The following TRMT9B variants were observed in gnomAD, a reference collection of about 807,000 sequenced individuals.
TRMT9B encodes probable tRNA methyltransferase 9B.
A neutral mutation model predicts 11.5 loss-of-function variants in TRMT9B; 16 were observed. That is an observed-to-expected ratio of 1.39 (90% CI 0.94 to 2.11). TRMT9B has a LOEUF of 2.11. Among genes scored for constraint, TRMT9B ranks in the 30% most tolerant of loss-of-function variants. TRMT9B has a pLI of 0.00. For synonymous variants in TRMT9B, 274 were observed against 192.4 expected, an observed-to-expected ratio of 1.42 and a Z score of -3.51; for missense variants, 941 against 553.8, an observed-to-expected ratio of 1.70 and a Z score of -7.02.
chr8:12,984,949 C>T (rs71522319), intron 1 of TRMT9B, among the ~76,000 whole-genome samples: 1 of 125,430 alleles, frequency 8.0e-6, no homozygotes, highest in Admixed American at 7.4e-5. Flanking sequence ...CCACCTCCCT[C>T]AACATACACA....
chr8:12,993,845 A>C (rs139568330), intron 2 of TRMT9B, among the ~76,000 whole-genome samples: 18 of 152,344 alleles, frequency 1.2e-4, no homozygotes, highest in African/African-American at 4.1e-4. Flanking sequence ...TTGGCTATAC[A>C]TGTCAAAATC....
intron 4 of TRMT9B, among the ~76,000 whole-genome samples, chr8:13,020,203 T>A (rs1344504519): frequency 2.0e-5 from 3 of 152,226 alleles, no homozygotes; most frequent in African/African-American, 7.2e-5. Context: ...TTGAGATTAA[T>A]TTCCTCACTG....
rs530255013 is a variant in TRMT9B, at chr8:13,021,356, T to C, written c.677T>C (p.Phe226Ser). ...GYEPAMARTC[F>S]ANISKEGEEE... ...GAACCTGCTATGGCAAGAACCTGTT[T>C]TGCAAATATTTCTAAGGAAGGCGAG... Residue 226 changes from phenylalanine (F) to serine (S), a missense_variant, in exon 5 of 5, where the codon TTT becomes TCT. Coordinates refer to ENST00000524591, the MANE Select transcript of TRMT9B (RefSeq NM_020844.3). 6.2e-7 allele frequency: 1 copy of C among 1,614,078 alleles called. No individual in the cohort carries two copies. The highest frequency in any genetic ancestry group is 8.5e-7 in the Non-Finnish European group (1 of 1,179,902).
chr8:12,969,198 C>T (rs948730578), intron 1 of TRMT9B, among the ~76,000 whole-genome samples: 1 of 151,882 alleles, frequency 6.6e-6, no homozygotes, highest in East Asian at 1.9e-4. Context: ...GAGAGTGAAA[C>T]TGTGTCTAAA....
chr8:12,990,000 T>C (rs1174209796), intron 1 of TRMT9B, among the ~76,000 whole-genome samples: 1 of 152,136 alleles, frequency 6.6e-6, no homozygotes, highest in Non-Finnish European at 1.5e-5. Context: ...GGGCCAGGAC[T>C]AGGGTTGGGC....
intron 1 of TRMT9B, among the ~76,000 whole-genome samples, chr8:12,986,224 G>T (rs553279287): frequency 6.6e-6 from 1 of 152,096 alleles, no homozygotes; most frequent in African/African-American, 2.4e-5. Context: ...TTGTCCTTCA[G>T]TTACCACAGA....
chr8:13,017,223 G>T (rs1812890823), intron 4 of TRMT9B, among the ~76,000 whole-genome samples: 1 of 152,092 alleles, frequency 6.6e-6, no homozygotes, highest in Non-Finnish European at 1.5e-5. Flanking sequence ...CTGAAGTTTA[G>T]AGAGGCGAGG....
At chr8:12,967,172 G>C (rs1802934854) in intron 1 of TRMT9B, among the ~76,000 whole-genome samples, 1 of 152,124 alleles carries the variant, frequency 6.6e-6, no homozygotes, top group Non-Finnish European at 1.5e-5. Flanking sequence ...TCCTGAATTT[G>C]TTCTCTTTCT....
In TRMT9B at chr8:12,956,885, C is replaced by T. The variant is rs555657132; in HGVS notation, c.-200+10919C>T. ...TGAAGTAGATATGATTGGATCTCTTCTATTTTTAAGCAGTAAATTACCAGT... is the reference window on the plus strand; with the variant it reads ...TGAAGTAGATATGATTGGATCTCTTTTATTTTTAAGCAGTAAATTACCAGT... On this transcript the variant is annotated intron_variant, in intron 1 of 4. Transcript: ENST00000524591. 1.4e-3 allele frequency among the ~76,000 whole-genome samples: 207 copies of T among 152,262 alleles called. 1 individual carries two copies. The highest frequency in any genetic ancestry group is 4.8e-3 in the African/African-American group (199 of 41,570).
At chr8:12,955,736 A>G (rs1220211258) in intron 1 of TRMT9B, among the ~76,000 whole-genome samples, 1 of 152,160 alleles carries the variant, frequency 6.6e-6, no homozygotes, top group African/African-American at 2.4e-5. Context: ...TATTTCGAGC[A>G]GGAAGGGGTT....
Position 13,021,013 on chromosome 8 carries a change from C to T in TRMT9B, c.334C>T (p.His112Tyr). The T allele has an allele frequency of 2.6e-6, 4 of 1,537,568 alleles. No homozygotes were observed. The highest frequency in any genetic ancestry group is 2.6e-6 in the Non-Finnish European group (3 of 1,142,230). Residue 112 changes from histidine (H) to tyrosine (Y), a missense_variant, in exon 5 of 5, where the codon CAT (histidine) becomes TAT (tyrosine). Transcript: ENST00000524591. ...FDAIISIGVIHHFSTKQRRIR... is the reference protein window; with the variant it reads ...FDAIISIGVIYHFSTKQRRIR... ...TCTAGTTTTGTCTTTTTCAGTCATA[C>T]ATCATTTTTCTACAAAACAAAGAAG...
chr8:12,947,948 G>A lies in TRMT9B; in HGVS notation c.-200+1982G>A, dbSNP rs929292817. The stretch of plus-strand genomic sequence containing the variant: ...GGCAGGCATTCAAGGAATCATGGCC[G>A]GCCATCTGTAGCCTTAAGAGGTGTG... On this transcript the variant is annotated intron_variant, in intron 1 of 4. Coordinates refer to ENST00000524591, the MANE Select transcript of TRMT9B (RefSeq NM_020844.3). 2.0e-5 allele frequency among the ~76,000 whole-genome samples: 3 copies of A among 152,156 alleles called. No individual in the cohort carries two copies. In the South Asian group the frequency reaches 6.2e-4, roughly 31 times the overall value.
At chr8:12,996,997 TTTA>T (rs1310575026) in intron 2 of TRMT9B, among the ~76,000 whole-genome samples, 16 of 109,486 alleles carry the variant, frequency 1.5e-4, no homozygotes, top group African/African-American at 2.0e-4. Context: ...TTTATTTTAT[TTTA>T]TTTTATTTTT....
At chr8:13,001,796 G>T (rs1276107517) in intron 2 of TRMT9B, among the ~76,000 whole-genome samples, 2 of 152,188 alleles carry the variant, frequency 1.3e-5, no homozygotes, top group Non-Finnish European at 2.9e-5. Context: ...GAGGCTTTAA[G>T]TACTGACTTT....
At chr8:13,013,649 A>ACTC (rs1281152507) in intron 4 of TRMT9B, among the ~76,000 whole-genome samples, 2 of 152,082 alleles carry the variant, frequency 1.3e-5, no homozygotes, top group Non-Finnish European at 2.9e-5. Context: ...GTCCCAATAC[A>ACTC]CTCTTAAAAA....
intron 1 of TRMT9B, among the ~76,000 whole-genome samples, chr8:12,954,244 C>G (rs528507693): frequency 1.5e-4 from 23 of 152,244 alleles, no homozygotes; most frequent in Admixed American, 8.5e-4. Flanking sequence ...AAGAAGAGAC[C>G]AGACCTTATA....
rs1314350594 is a variant in TRMT9B, at chr8:13,021,254, C to G, written c.575C>G (p.Pro192Arg). 1.9e-6 allele frequency: 3 copies of G among 1,613,988 alleles called. No individual in the cohort carries two copies. The highest frequency in any genetic ancestry group is 2.5e-6 in the Non-Finnish European group (3 of 1,179,878). Residue 192 changes from proline to arginine, a missense_variant, in exon 5 of 5, where the codon CCT (proline) becomes CGT (arginine). Coordinates refer to ENST00000524591, the MANE Select transcript of TRMT9B (RefSeq NM_020844.3). ...CCAGAAAGAGGCCATCCCTACCATCCTCCTTGCTCTGAGTGTAGCTGTTCT... is the reference window on the plus strand; with the variant it reads ...CCAGAAAGAGGCCATCCCTACCATCGTCCTTGCTCTGAGTGTAGCTGTTCT... Reference protein sequence around the residue: ...GYPERGHPYHPPCSECSCSVC... With the variant: ...GYPERGHPYHRPCSECSCSVC...
At chr8:12,976,429 A>G (rs957950935) in intron 1 of TRMT9B, among the ~76,000 whole-genome samples, 2 of 151,486 alleles carry the variant, frequency 1.3e-5, no homozygotes, top group Admixed American at 6.6e-5. Context: ...GTGAGATACT[A>G]TATATTAGTT....
rs1814478865 is a variant in TRMT9B, at chr8:13,024,705, G to A, written c.*2661G>A. ...GGGTTCTCTAGAACGGTTCTTTGGA[G>A]AGAAATATTTTCATGTACGTTTGAC... On this transcript the variant is annotated 3_prime_UTR_variant, in exon 5 of 5. Coordinates refer to ENST00000524591, the MANE Select transcript of TRMT9B (RefSeq NM_020844.3). 1 of 167,044 alleles carries A rather than the reference G, an allele frequency of 6.0e-6. No homozygotes were observed. The highest frequency in any genetic ancestry group is 2.1e-4 in the South Asian group (1 of 4,826). The allele number at this position is 167,044 out of a possible 1,614,324, so 10.3% of individuals were successfully genotyped here.
Sources: gnomAD v4.1 joint callset for allele counts (sites outside exome capture counted in the v4.1 genomes callset) on GRCh38, gnomAD v4.1.1 for gene constraint, MANE v1.5 for transcripts, NCBI Gene and HGNC (gene_info 2026-07-23, HGNC 2026-07-21) for gene names.